Variants in TMEM176B observed in about 807,000 individuals in gnomAD.
The protein encoded by TMEM176B is transmembrane protein 176B.
TMEM176B carries 28 observed loss-of-function variants against 30.3 expected under a neutral mutation model. That is an observed-to-expected ratio of 0.92 (90% confidence interval 0.68 to 1.27). The LOEUF is 1.27. TMEM176B is among the 50% of genes most tolerant of loss of function. The pLI is 0.00. For missense variants in TMEM176B, 349 were observed against 327.4 expected, an observed-to-expected ratio of 1.07 and a Z score of -0.51; for synonymous variants, 123 against 130.3, an observed-to-expected ratio of 0.94 and a Z score of 0.38.
At chr7:150,798,588 T>TAGAG (rs35882844) in intron 1 of TMEM176B, among the ~76,000 whole-genome samples, 1 of 151,888 alleles carries the variant, frequency 6.6e-6, no homozygotes, top group East Asian at 1.9e-4. Context: ...TCTCTTTTTT[T>TAGAG]AGAGAGAGAG....
At chr7:150,794,712 C>T (rs1585276082) in intron 2 of TMEM176B, among the ~76,000 whole-genome samples, 1 of 152,082 alleles carries the variant, frequency 6.6e-6, no homozygotes, top group Non-Finnish European at 1.5e-5. Context: ...GCAGAGTCTG[C>T]ATTGCAGCCT....
At chr7:150,796,323 C>A (rs1436351640) in intron 2 of TMEM176B, 43 bp downstream of exon 2, 1 of 1,576,346 alleles carries the variant, frequency 6.3e-7, no homozygotes. Flanking sequence ...GACCTCATCA[C>A]CTCGTTAACG....
In TMEM176B at chr7:150,796,463, A is replaced by G. The variant is rs1798530004; in HGVS notation, c.107T>C (p.Leu36Pro). 6.2e-7 allele frequency: 1 copy of G among 1,614,172 alleles called. No individual in the cohort carries two copies. Among genetic ancestry groups the G allele is most frequent in the Non-Finnish European group, 8.5e-7 (1 of 1,180,012 alleles). The change falls in exon 2 of 7, where the codon CTG (leucine) becomes CCG (proline). Residue 36 changes from leucine to proline, a missense_variant. Leu to Pro is a moderately conservative substitution (Grantham distance 98). Transcript: ENST00000326442. Reference sequence around the variant, plus strand: ...CTTCAGAGAACCTCCAGCTTTCAGCAGTTGTGTCAAAGCTGACTCCTGGTG... The same window carrying G: ...CTTCAGAGAACCTCCAGCTTTCAGCGGTTGTGTCAAAGCTGACTCCTGGTG... Reference protein sequence around the residue: ...HIHQESALTQLLKAGGSLKKF... With the variant: ...HIHQESALTQPLKAGGSLKKF...
At position 150,791,641 on chromosome 7, in the gene TMEM176B, A is replaced by C; in HGVS notation, c.721-18T>G. 1 of 1,609,360 alleles carries C rather than the reference A, an allele frequency of 6.2e-7. No homozygotes were observed. The highest frequency in any genetic ancestry group is 8.5e-7 in the Non-Finnish European group (1 of 1,176,584). On this transcript the variant is annotated intron_variant, in intron 6 of 6. Coordinates refer to ENST00000326442, the MANE Select transcript of TMEM176B (RefSeq NM_001101312.2). ...TCCTCATTCTGGAAAAAAAAGAAAA[A>C]AGAAATCCTTAGGGGAAAAGGATGC...
chr7:150,793,208 G>C lies in TMEM176B; in HGVS notation c.480C>G (p.Ile160Met). Residue 160 changes from isoleucine to methionine, a missense_variant, in exon 5 of 7, where the codon ATC becomes ATG. By Grantham distance (10) the Ile-to-Met change is conservative (BLOSUM62 1). Transcript: ENST00000326442. ...FIWQTEPFLY[I>M]DTVCDRSDPV... is the part of the protein sequence containing the mutation. ...GGTCTGAGCGATCACACACAGTGTC[G>C]ATGTATAAAAAGGGTTCAGTTTGCC... 1 of 1,614,214 alleles carries C rather than the reference G, an allele frequency of 6.2e-7. No homozygotes were observed. Among genetic ancestry groups the C allele is most frequent in the Non-Finnish European group, 8.5e-7 (1 of 1,180,052 alleles).
chr7:150,794,375 G>A (rs1798438393), intron 2 of TMEM176B, among the ~76,000 whole-genome samples: 1 of 151,000 alleles, frequency 6.6e-6, no homozygotes, highest in South Asian at 2.1e-4. Context: ...TCCTTCAGAG[G>A]TCCCATTGTC....
rs752780117 is a variant in TMEM176B at position 150,793,083 on chromosome 7, C to T, written c.600+5G>A. The T allele has an allele frequency of 6.2e-7, 1 of 1,613,672 alleles. No homozygotes were observed. Among genetic ancestry groups the T allele is most frequent in the African/African-American group, 1.3e-5 (1 of 74,906 alleles). On this transcript the variant is annotated splice_donor_5th_base_variant and intron_variant, in intron 5 of 6. Coordinates refer to ENST00000326442, the MANE Select transcript of TMEM176B (RefSeq NM_001101312.2). ...GTCCCCGAAGACTGGACTCTTCCTGCTCACCCTCAGCATCTGCATGTAAGC... is the reference window on the plus strand; with the variant it reads ...GTCCCCGAAGACTGGACTCTTCCTGTTCACCCTCAGCATCTGCATGTAAGC...
intron 1 of TMEM176B, chr7:150,800,065 T>G (rs1236796941): frequency 6.6e-6 from 1 of 152,036 alleles, no homozygotes; most frequent in Non-Finnish European, 1.5e-5. Flanking sequence ...CGGCAGAAGG[T>G]GGACGGGACG....
intron 1 of TMEM176B, among the ~76,000 whole-genome samples, chr7:150,797,400 G>C (rs1798570743): frequency 1.3e-5 from 2 of 152,202 alleles, no homozygotes; most frequent in Admixed American, 6.5e-5. Context: ...TTCTGGAATA[G>C]GGCATTGCAA....
intron 1 of TMEM176B, among the ~76,000 whole-genome samples, chr7:150,796,923 C>T (rs796426475): frequency 3.9e-4 from 59 of 152,056 alleles, no homozygotes; most frequent in African/African-American, 1.3e-3. Context: ...CACTGCACTC[C>T]AGCCTGGGCA....
At chr7:150,792,309 G>T in intron 5 of TMEM176B, 134 bp from the exon 6 acceptor site, 2 of 1,213,754 alleles carry the variant, frequency 1.6e-6, no homozygotes, top group Non-Finnish European at 2.3e-6. Flanking sequence ...TGTGTTTCCA[G>T]CCACAGCTTC....
rs1473828107 is a variant in TMEM176B at position 150,791,398 on chromosome 7, G to A, written c.*133C>T. On this transcript the variant is annotated 3_prime_UTR_variant, in exon 7 of 7. Coordinates refer to ENST00000326442, the MANE Select transcript of TMEM176B (RefSeq NM_001101312.2). ...GAACCCCAGAGTGGGAACAGCAGGT[G>A]CGGATGTGGGGAGAAGAAAGGAGGA... is the stretch of plus-strand genomic sequence containing the variant. 15 of 640,356 alleles carry A rather than the reference G, an allele frequency of 2.3e-5. No individual in the cohort carries two copies. Among genetic ancestry groups the A allele is most frequent in the Non-Finnish European group, 4.1e-5 (15 of 368,038 alleles). 39.7% of individuals were successfully genotyped at this position (640,356 alleles called of 1,614,324 possible). A position where few individuals can be genotyped will look rare whatever the true frequency, so the allele number is the denominator to read the frequency against.
chr7:150,800,726 A>ACCCCCGCCTCCC (rs1798748006), upstream of TMEM176B: 2 of 77,044 alleles, frequency 2.6e-5, no homozygotes, highest in South Asian at 4.6e-4. Context: ...GTTCAGCCCC[A>ACCCCCGCCTCCC]CCCCCGCCTC....
rs200738109 is a variant in TMEM176B, at chr7:150,793,174, G to C, written c.514C>G (p.Pro172Ala). 6.2e-6 allele frequency: 10 copies of C among 1,614,206 alleles called. No individual in the cohort carries two copies. The highest frequency in any genetic ancestry group is 7.6e-6 in the Non-Finnish European group (9 of 1,180,042). Residue 172 changes from proline to alanine, a missense_variant, in exon 5 of 7, where the codon CCT becomes GCT. Physicochemically the swap from Pro to Ala is conservative, Grantham distance 27 (BLOSUM62 -1). Transcript: ENST00000326442. ...TVCDRSDPVF[P>A]TTGYRWMRRS... ...CGCATCCATCTGTACCCAGTGGTAG[G>C]GAAGACAGGGTCTGAGCGATCACAC...
intron 1 of TMEM176B, among the ~76,000 whole-genome samples, chr7:150,799,816 T>A (rs1798692619): frequency 6.6e-6 from 1 of 151,946 alleles, no homozygotes; most frequent in African/African-American, 2.4e-5. Context: ...CCCCTAGATC[T>A]GCCTCGCCCC....
rs745707041 is a variant in TMEM176B at position 150,793,301 on chromosome 7, G to C, written c.387C>G (p.Ser129Arg). ...TAGCAAAGCCTGCCAGGGTGAGCAG[G>C]CTGGATATATAGCCCTGGAAGAGAA... The part of the protein sequence containing the change: ...HPGKLAGYIS[S>R]LLTLAGFATA... The change falls in exon 5 of 7, where the codon AGC becomes AGG. Residue 129 changes from serine (S) to arginine (R), a missense_variant. Ser to Arg is a moderately radical substitution (Grantham distance 110). Transcript: ENST00000326442. The C allele has an allele frequency of 4.3e-6, 7 of 1,613,958 alleles. No homozygotes were observed. The Admixed American group carries it at 6.7e-5, about 15-fold the overall frequency.
upstream of TMEM176B, chr7:150,800,847 C>T (rs1798754965): frequency 2.2e-6 from 2 of 921,208 alleles, no homozygotes; most frequent in Admixed American, 6.2e-5. Context: ...GCACCCCACT[C>T]CCGGCGGCCC....
At chr7:150,794,908 CA>C (rs1798464273) in intron 2 of TMEM176B, among the ~76,000 whole-genome samples, 2 of 7,066 alleles carry the variant, frequency 2.8e-4, no homozygotes, top group African/African-American at 1.6e-3. Context: ...CCCCTACTAC[CA>C]CACACACACA....
At chr7:150,794,827 C>G (rs1031557686) in intron 2 of TMEM176B, among the ~76,000 whole-genome samples, 3 of 151,902 alleles carry the variant, frequency 2.0e-5, no homozygotes, top group Admixed American at 2.0e-4. Flanking sequence ...GAGAACTCCT[C>G]TTCTTCCTGG....
Sources: allele counts gnomAD v4.1 joint callset (sites outside exome capture counted in the v4.1 genomes callset), GRCh38; gene constraint gnomAD v4.1.1; transcripts MANE v1.5; gene names NCBI Gene and HGNC (gene_info 2026-07-23, HGNC 2026-07-21).